Variants in ROBO1 observed in about 807,000 individuals in gnomAD.
ROBO1 encodes the protein roundabout guidance receptor 1.
In ROBO1, 149 loss-of-function variants were observed where a neutral mutation model predicts 195.9. The observed-to-expected ratio is 0.76, with a 90% CI of 0.67 to 0.87. ROBO1 has a LOEUF of 0.87. Among genes scored for constraint, ROBO1 ranks in the 40% least tolerant of loss-of-function variants. The probability of loss-of-function intolerance (pLI) is 0.00; values close to 1 mark genes in which losing one functional copy is unlikely to be tolerated. For synonymous variants in ROBO1, 816 were observed against 733.2 expected (o/e 1.11, Z -1.82); for missense variants, 1,933 against 2,068.3 (o/e 0.93, Z 1.27).
intron 2 of ROBO1, among the ~76,000 whole-genome samples, chr3:79,464,988 A>G (rs1370863834): frequency 6.6e-6 from 1 of 152,176 alleles, no homozygotes; most frequent in African/African-American, 2.4e-5. Flanking sequence ...AGAGGGCCCT[A>G]ATCCTTAAAG....
chr3:79,344,897 G>A (rs773374689), intron 2 of ROBO1, among the ~76,000 whole-genome samples: 1 of 152,048 alleles, frequency 6.6e-6, no homozygotes, highest in Non-Finnish European at 1.5e-5. Context: ...GTTTTATAAA[G>A]AGCAGTTTTT....
chr3:79,092,408 A>G (rs1157378680), intron 3 of ROBO1, among the ~76,000 whole-genome samples: 1 of 152,018 alleles, frequency 6.6e-6, no homozygotes, highest in African/African-American at 2.4e-5. Context: ...TATTTAAGTG[A>G]TGTTGGATAT....
intron 7 of ROBO1, among the ~76,000 whole-genome samples, chr3:78,716,442 AACTC>A (rs1217983894): frequency 5.9e-5 from 9 of 152,084 alleles, no homozygotes; most frequent in Non-Finnish European, 1.3e-4. Context: ...ATCTCATGAG[AACTC>A]ACTCACTATC....
intron 4 of ROBO1, among the ~76,000 whole-genome samples, chr3:78,868,476 T>G (rs759858662): frequency 6.6e-6 from 1 of 152,218 alleles, no homozygotes; most frequent in Non-Finnish European, 1.5e-5. Flanking sequence ...GTTATTGTCT[T>G]TTCTTTAAAT....
chr3:78,987,848 C>T (rs1208888397), intron 3 of ROBO1, among the ~76,000 whole-genome samples: 1 of 151,960 alleles, frequency 6.6e-6, no homozygotes, highest in Non-Finnish European at 1.5e-5. Flanking sequence ...CATTGCATGC[C>T]TGTATCCAAA....
intron 2 of ROBO1, among the ~76,000 whole-genome samples, chr3:79,352,660 C>A (rs1419952118): frequency 6.6e-6 from 1 of 152,136 alleles, no homozygotes; most frequent in African/African-American, 2.4e-5. Flanking sequence ...ACACTCTGTT[C>A]CCTCCACCCA....
intron 3 of ROBO1, among the ~76,000 whole-genome samples, chr3:78,956,689 G>T (rs1203458933): frequency 6.6e-6 from 1 of 152,172 alleles, no homozygotes; most frequent in Non-Finnish European, 1.5e-5. Context: ...CTTGGAGGCA[G>T]TCAGTGTACC....
chr3:79,687,280 ACCTAAG>A (rs763156566), intron 1 of ROBO1, among the ~76,000 whole-genome samples: 18 of 116,628 alleles, frequency 1.5e-4, no homozygotes, highest in African/African-American at 5.1e-4. Flanking sequence ...GAAAACCTAA[ACCTAAG>A]CATTACCATT....
chr3:79,675,772 G>C (rs1946765737), intron 1 of ROBO1, among the ~76,000 whole-genome samples: 4 of 152,002 alleles, frequency 2.6e-5, no homozygotes, highest in Admixed American at 2.6e-4. Context: ...TCTTTTTGAT[G>C]CTTATGAAAT....
intron 2 of ROBO1, chr3:79,526,395 G>GAT (rs1393189796): frequency 1.3e-5 from 2 of 152,194 alleles, no homozygotes; most frequent in African/African-American, 4.8e-5. Context: ...TTAGGTAACA[G>GAT]ATAGAGCTAT....
intron 2 of ROBO1, among the ~76,000 whole-genome samples, chr3:79,541,391 C>A (rs1041080557): frequency 6.6e-6 from 1 of 152,056 alleles, no homozygotes; most frequent in Non-Finnish European, 1.5e-5. Context: ...AACATGCCCC[C>A]CTCCCAGCGG....
At chr3:79,259,575 C>G (rs553239256) in intron 2 of ROBO1, among the ~76,000 whole-genome samples, 129 of 152,048 alleles carry the variant, frequency 8.5e-4, no homozygotes, top group Non-Finnish European at 1.6e-3. Flanking sequence ...CCCACCTCCC[C>G]CTATGCCCCC....
At chr3:79,743,903 C>T (rs1311726269) in intron 1 of ROBO1, among the ~76,000 whole-genome samples, 1 of 152,190 alleles carries the variant, frequency 6.6e-6, no homozygotes, top group Non-Finnish European at 1.5e-5. Context: ...TACGGTAACA[C>T]TGCCTTCTTC....
chr3:78,652,059 A>C, intron 18 of ROBO1, 130 bp from the exon 19 acceptor site: 1 of 712,906 alleles, frequency 1.4e-6, no homozygotes, highest in East Asian at 2.7e-5. Context: ...ACCACTCACC[A>C]TCATCAAATA....
At chr3:78,707,019 G>C (rs2081568026) in intron 8 of ROBO1, among the ~76,000 whole-genome samples, 1 of 152,114 alleles carries the variant, frequency 6.6e-6, no homozygotes, top group African/African-American at 2.4e-5. Context: ...GCAAACTAAT[G>C]CTTACAGCCT....
chr3:78,604,583 A>G (rs974047147), intron 29 of ROBO1, among the ~76,000 whole-genome samples: 3 of 152,218 alleles, frequency 2.0e-5, no homozygotes, highest in Non-Finnish European at 4.4e-5. Context: ...TATCAAGGAC[A>G]TTGTGGTCAC....
intron 3 of ROBO1, among the ~76,000 whole-genome samples, chr3:79,055,806 A>G (rs1246726504): frequency 6.6e-6 from 1 of 152,092 alleles, no homozygotes; most frequent in Non-Finnish European, 1.5e-5. Flanking sequence ...GGCCGCTGCC[A>G]TGCCTCCTGA....
intron 1 of ROBO1, among the ~76,000 whole-genome samples, chr3:79,697,134 A>G (rs531975895): frequency 6.6e-6 from 1 of 151,648 alleles, no homozygotes; most frequent in East Asian, 1.9e-4. Flanking sequence ...CTACCCAGCC[A>G]GTAATAACTG....
intron 4 of ROBO1, among the ~76,000 whole-genome samples, chr3:78,819,940 A>G (rs2030693572): frequency 6.6e-6 from 1 of 152,200 alleles, no homozygotes; most frequent in Non-Finnish European, 1.5e-5. Flanking sequence ...CTAAGCTAAG[A>G]TCCATTATCC....
Sources: gnomAD v4.1 joint callset for allele counts (sites outside exome capture counted in the v4.1 genomes callset) on GRCh38, gnomAD v4.1.1 for gene constraint, MANE v1.5 for transcripts, NCBI Gene and HGNC (gene_info 2026-07-23, HGNC 2026-07-21) for gene names.